LTBP1: variants seen among roughly 807,000 people sequenced by gnomAD.
The protein encoded by LTBP1 is latent-transforming growth factor beta-binding protein 1.
Under a neutral mutation model 207.6 loss-of-function variants are expected in LTBP1, and 129 were observed. That is an observed-to-expected ratio of 0.62 (90% CI 0.54 to 0.72). The LOEUF (loss-of-function observed/expected upper bound fraction) is 0.72, where lower values mean the gene tolerates loss of function less well. Ranked by LOEUF, LTBP1 falls within the 30% of genes least tolerant of loss-of-function variation. The pLI, the probability that LTBP1 is intolerant of heterozygous loss-of-function variation, is 0.00. For missense variants in LTBP1, 2,281 were observed against 2,217.2 expected, an observed-to-expected ratio of 1.03 and a Z score of -0.58; for synonymous variants, 963 against 833.7, an observed-to-expected ratio of 1.16 and a Z score of -2.67.
chr2:33,091,500 TC>T (rs2079088394), intron 3 of LTBP1, among the ~76,000 whole-genome samples: 2 of 152,288 alleles, frequency 1.3e-5, no homozygotes, highest in Middle Eastern at 3.4e-3. Flanking sequence ...AAGGTCAACA[TC>T]TGTACTCTCT....
intron 31 of LTBP1, among the ~76,000 whole-genome samples, chr2:33,385,722 C>T (rs938800598): frequency 6.6e-6 from 1 of 152,178 alleles, no homozygotes; most frequent in Non-Finnish European, 1.5e-5. Context: ...AGAATCAGGG[C>T]AGATGTGCAT....
chr2:33,195,341 A>G (rs1174402829), intron 7 of LTBP1, among the ~76,000 whole-genome samples: 1 of 152,226 alleles, frequency 6.6e-6, no homozygotes, highest in East Asian at 1.9e-4. Context: ...AGATGCCATT[A>G]GAAACATTCA....
At chr2:33,031,155 C>T (rs2075674493) in intron 3 of LTBP1, among the ~76,000 whole-genome samples, 1 of 152,144 alleles carries the variant, frequency 6.6e-6, no homozygotes, top group South Asian at 2.1e-4. Context: ...AAAATCCCCC[C>T]TTGTCCATGA....
chr2:33,244,018 A>G (rs2092426036), intron 10 of LTBP1, among the ~76,000 whole-genome samples: 1 of 152,214 alleles, frequency 6.6e-6, no homozygotes, highest in Non-Finnish European at 1.5e-5. Flanking sequence ...TAAAACTCTG[A>G]ATAGAGACTA....
At chr2:33,225,167 G>A (rs970016482) in intron 9 of LTBP1, among the ~76,000 whole-genome samples, 4 of 152,038 alleles carry the variant, frequency 2.6e-5, no homozygotes, top group African/African-American at 9.7e-5. Flanking sequence ...TATTTATGGG[G>A]TATGTAGTGA....
chr2:33,206,760 A>G (rs1252752469), intron 7 of LTBP1, among the ~76,000 whole-genome samples: 2 of 151,846 alleles, frequency 1.3e-5, no homozygotes, highest in East Asian at 3.9e-4. Context: ...AAAAAGAAAA[A>G]TTGGAGAAGA....
At chr2:33,210,840 A>G (rs117551990) in intron 7 of LTBP1, among the ~76,000 whole-genome samples, 2,240 of 152,294 alleles carry the variant, frequency 0.015, 23 homozygotes, top group East Asian at 0.026. Context: ...CAGTAGAGCC[A>G]TTGAGTCACT....
chr2:33,051,922 T>C (rs2076766372), intron 3 of LTBP1, among the ~76,000 whole-genome samples: 1 of 152,232 alleles, frequency 6.6e-6, no homozygotes, highest in Non-Finnish European at 1.5e-5. Context: ...GAATACAGTC[T>C]CTTTAAAAGT....
At chr2:33,273,848 C>G (rs2093369883) in intron 16 of LTBP1, 67 bp downstream of exon 16, 1 of 1,381,796 alleles carries the variant, frequency 7.2e-7, no homozygotes, top group Non-Finnish European at 9.6e-7. Context: ...ACATTTTTTT[C>G]TTAAACCAAC....
At chr2:33,149,591 T>G (rs1329641715) in intron 5 of LTBP1, among the ~76,000 whole-genome samples, 2 of 152,200 alleles carry the variant, frequency 1.3e-5, no homozygotes, top group East Asian at 3.9e-4. Context: ...GATTTACATT[T>G]GATAATTTGT....
intron 18 of LTBP1, 147 bp from the exon 19 acceptor site, chr2:33,279,892 T>G (rs2093523075): frequency 1.4e-6 from 1 of 731,302 alleles, no homozygotes; most frequent in African/African-American, 1.8e-5. Context: ...TATTTAAGTA[T>G]AGACCCAATG....
intron 3 of LTBP1, among the ~76,000 whole-genome samples, chr2:33,043,164 A>G (rs2076275309): frequency 6.6e-6 from 1 of 152,218 alleles, no homozygotes. Flanking sequence ...TCCATGTCTC[A>G]GCTTGAAAAC....
At chr2:33,173,351 C>T (rs1451484466) in intron 5 of LTBP1, among the ~76,000 whole-genome samples, 1 of 152,014 alleles carries the variant, frequency 6.6e-6, no homozygotes, top group South Asian at 2.1e-4. Context: ...GAAATACAAA[C>T]TACCATCAGA....
chr2:33,324,873 G>A (rs538606983), intron 24 of LTBP1, among the ~76,000 whole-genome samples: 2 of 151,648 alleles, frequency 1.3e-5, no homozygotes, highest in Middle Eastern at 3.4e-3. Flanking sequence ...GACTAATTTT[G>A]TTTGTTTGTT....
chr2:33,245,168 C>T (rs944855975), intron 10 of LTBP1, among the ~76,000 whole-genome samples: 2 of 152,206 alleles, frequency 1.3e-5, no homozygotes, highest in Admixed American at 6.5e-5. Flanking sequence ...GTGTGAGCCA[C>T]CATGCCCGGC....
At chr2:32,989,528 G>C (rs1422523034) in intron 2 of LTBP1, among the ~76,000 whole-genome samples, 1 of 152,144 alleles carries the variant, frequency 6.6e-6, no homozygotes, top group Admixed American at 6.6e-5. Context: ...GCTTTACTCT[G>C]ACCCGTGGAT....
At chr2:33,315,082 G>GATAGTATGT (rs1553497691) in intron 23 of LTBP1, 62 bp from the exon 24 acceptor site, 2 of 1,333,308 alleles carry the variant, frequency 1.5e-6, no homozygotes, top group African/African-American at 3.0e-5. Context: ...CCATCTGTTT[G>GATAGTATGT]ATAGTATATG....
At chr2:33,123,343 T>A (rs945122790) in intron 4 of LTBP1, among the ~76,000 whole-genome samples, 1 of 152,122 alleles carries the variant, frequency 6.6e-6, no homozygotes, top group Non-Finnish European at 1.5e-5. Flanking sequence ...TTGGGAAACC[T>A]TTTCAGTAAG....
intron 15 of LTBP1, among the ~76,000 whole-genome samples, chr2:33,265,048 A>G (rs1160412974): frequency 2.0e-5 from 3 of 152,120 alleles, no homozygotes; most frequent in Non-Finnish European, 4.4e-5. Context: ...AGTAGAGCAG[A>G]TTGCCTTCCT....
Sources: allele counts gnomAD v4.1 joint callset (sites outside exome capture counted in the v4.1 genomes callset), GRCh38; gene constraint gnomAD v4.1.1; transcripts MANE v1.5; gene names NCBI Gene and HGNC (gene_info 2026-07-23, HGNC 2026-07-21).